GPC6: variants seen among roughly 807,000 people sequenced by gnomAD.
The protein encoded by GPC6 is glypican 6, also known as glypican-6.
Under a neutral mutation model 55.2 loss-of-function variants are expected in GPC6, and 14 were observed. The observed-to-expected ratio is 0.25, with a 90% confidence interval of 0.17 to 0.40. The LOEUF is 0.40. Among genes scored for constraint, GPC6 ranks in the 10% least tolerant of loss-of-function variants. The probability of loss-of-function intolerance (pLI) is 1.00; values close to 1 mark genes in which losing one functional copy is unlikely to be tolerated. For synonymous variants in GPC6, 278 were observed against 259.6 expected, an observed-to-expected ratio of 1.07 and a Z score of -0.68; for missense variants, 641 against 708.5, an observed-to-expected ratio of 0.90 and a Z score of 1.08.
intron 3 of GPC6, among the ~76,000 whole-genome samples, chr13:93,998,194 A>T (rs1347978846): frequency 6.6e-6 from 1 of 152,240 alleles, no homozygotes; most frequent in South Asian, 2.1e-4. Flanking sequence ...CATCATACAG[A>T]TACAACAGAT....
At chr13:93,813,822 C>G (rs568111133) in intron 2 of GPC6, among the ~76,000 whole-genome samples, 42 of 151,218 alleles carry the variant, frequency 2.8e-4, no homozygotes, top group African/African-American at 9.7e-4. Flanking sequence ...ATGAGCAAAA[C>G]TTTTATACTA....
At chr13:93,283,891 A>G (rs1878029960) in intron 1 of GPC6, among the ~76,000 whole-genome samples, 1 of 152,186 alleles carries the variant, frequency 6.6e-6, no homozygotes, top group South Asian at 2.1e-4. Context: ...GTGGAGGGGT[A>G]CATAACTCAG....
intron 2 of GPC6, among the ~76,000 whole-genome samples, chr13:93,675,768 T>C (rs926009955): frequency 1.3e-5 from 2 of 152,124 alleles, no homozygotes; most frequent in Non-Finnish European, 2.9e-5. Context: ...TGTTGATTAC[T>C]CCACATAACC....
intron 2 of GPC6, among the ~76,000 whole-genome samples, chr13:93,634,100 C>A (rs891455666): frequency 6.6e-6 from 1 of 152,084 alleles, no homozygotes; most frequent in Non-Finnish European, 1.5e-5. Context: ...CAATCCCATT[C>A]GAAGAGGATA....
chr13:93,697,671 CA>C (rs1882507462), intron 2 of GPC6, among the ~76,000 whole-genome samples: 1 of 151,988 alleles, frequency 6.6e-6, no homozygotes, highest in African/African-American at 2.4e-5. Context: ...ACGTTAGTTC[CA>C]AAATTTTAGA....
chr13:93,936,636 T>G (rs1284739268), intron 3 of GPC6, among the ~76,000 whole-genome samples: 3 of 152,156 alleles, frequency 2.0e-5, no homozygotes, highest in African/African-American at 7.2e-5. Flanking sequence ...TCGAGTTACC[T>G]GAGAAACATT....
chr13:94,016,328 G>A (rs1010712281), intron 3 of GPC6, among the ~76,000 whole-genome samples: 2 of 152,096 alleles, frequency 1.3e-5, no homozygotes, highest in Non-Finnish European at 2.9e-5. Context: ...TTTGAATAAT[G>A]TTTCAGTGAA....
chr13:93,443,530 A>G (rs1437580039), intron 1 of GPC6, among the ~76,000 whole-genome samples: 3 of 152,236 alleles, frequency 2.0e-5, no homozygotes, highest in Admixed American at 2.0e-4. Flanking sequence ...GGAATATCTT[A>G]TGGAATGCAT....
chr13:93,262,188 G>A (rs888204586), intron 1 of GPC6, among the ~76,000 whole-genome samples: 1 of 152,058 alleles, frequency 6.6e-6, no homozygotes, highest in Non-Finnish European at 1.5e-5. Flanking sequence ...CAAGCCAAAA[G>A]TAACTTTTAC....
At chr13:93,748,415 G>A (rs914392613) in intron 2 of GPC6, among the ~76,000 whole-genome samples, 2 of 150,296 alleles carry the variant, frequency 1.3e-5, no homozygotes, top group Non-Finnish European at 3.0e-5. Flanking sequence ...TTTTATTTTT[G>A]TGTGGAATTT....
At chr13:93,898,348 G>A (rs1472309851) in intron 3 of GPC6, among the ~76,000 whole-genome samples, 1 of 152,096 alleles carries the variant, frequency 6.6e-6, no homozygotes, top group Non-Finnish European at 1.5e-5. Context: ...ATAGACATAA[G>A]CAAATAATGA....
At chr13:93,661,363 A>T (rs1195909151) in intron 2 of GPC6, among the ~76,000 whole-genome samples, 1 of 151,994 alleles carries the variant, frequency 6.6e-6, no homozygotes, top group Non-Finnish European at 1.5e-5. Context: ...ACAGGCACCC[A>T]CCACCATGCC....
At chr13:93,432,264 A>C (rs1275142878) in intron 1 of GPC6, among the ~76,000 whole-genome samples, 1 of 152,170 alleles carries the variant, frequency 6.6e-6, no homozygotes, top group African/African-American at 2.4e-5. Context: ...GTAGGTAACG[A>C]GCAACAGTGA....
chr13:94,032,551 G>T (rs1456620650), intron 4 of GPC6, among the ~76,000 whole-genome samples: 4 of 152,112 alleles, frequency 2.6e-5, no homozygotes, highest in Non-Finnish European at 5.9e-5. Flanking sequence ...GTTCTTAAAT[G>T]CTCGTTTGTT....
At chr13:94,018,643 G>T (rs1882578140) in intron 3 of GPC6, among the ~76,000 whole-genome samples, 1 of 152,114 alleles carries the variant, frequency 6.6e-6, no homozygotes, top group African/African-American at 2.4e-5. Context: ...TTTTGTTAAA[G>T]ACTTTTTAGT....
intron 1 of GPC6, among the ~76,000 whole-genome samples, chr13:93,401,348 G>A (rs1876069622): frequency 6.6e-6 from 1 of 151,994 alleles, no homozygotes; most frequent in Admixed American, 6.6e-5. Context: ...TGTCAGGGAG[G>A]GTGGAGTCCA....
At chr13:93,805,124 T>A (rs1594472466) in intron 2 of GPC6, among the ~76,000 whole-genome samples, 1 of 152,292 alleles carries the variant, frequency 6.6e-6, no homozygotes, top group Non-Finnish European at 1.5e-5. Flanking sequence ...AAGAAAGCGG[T>A]AATGAGGTTT....
chr13:93,795,993 G>A (rs1273380341), intron 2 of GPC6, among the ~76,000 whole-genome samples: 1 of 151,884 alleles, frequency 6.6e-6, no homozygotes, highest in Non-Finnish European at 1.5e-5. Flanking sequence ...AGACCAGCCT[G>A]GGCAACGTAG....
At chr13:93,610,892 A>G (rs1220550423) in intron 2 of GPC6, among the ~76,000 whole-genome samples, 2 of 152,122 alleles carry the variant, frequency 1.3e-5, no homozygotes, top group African/African-American at 2.4e-5. Context: ...TTTAGTAAGT[A>G]TAAAATGTAT....
Sources: gnomAD v4.1 joint callset for allele counts (sites outside exome capture counted in the v4.1 genomes callset) on GRCh38, gnomAD v4.1.1 for gene constraint, MANE v1.5 for transcripts, NCBI Gene and HGNC (gene_info 2026-07-23, HGNC 2026-07-21) for gene names.